The following PWWP3A variants were observed in gnomAD, a reference collection of about 807,000 sequenced individuals.
PWWP3A encodes PWWP domain-containing DNA repair factor 3A.
In PWWP3A, 53 loss-of-function variants were observed where a neutral mutation model predicts 79.0. The observed-to-expected ratio is 0.67, with a 90% CI of 0.54 to 0.84. PWWP3A has a LOEUF of 0.84. Among genes scored for constraint, PWWP3A ranks in the 40% least tolerant of loss-of-function variants. The pLI, the probability that PWWP3A is intolerant of heterozygous loss-of-function variation, is 0.00. For missense variants in PWWP3A, 973 were observed against 948.0 expected, an observed-to-expected ratio of 1.03 and a Z score of -0.35; for synonymous variants, 443 against 394.4, an observed-to-expected ratio of 1.12 and a Z score of -1.46.
rs1897435421 is a variant in PWWP3A, at chr19:1,368,439, C to A, written c.1423-826C>A. ...AGCCCACTTGATTCAGTGGTAGTCA[C>A]CGTGGCTTCTGAGGGATGATATTGG... On this transcript the variant is annotated intron_variant, in intron 9 of 13. Coordinates refer to ENST00000591337, the MANE Select transcript of PWWP3A (RefSeq NM_001369789.1). The surrounding 1 kb of genome is among the most constrained non-coding windows in gnomAD (Gnocchi z 4.7). Among the ~76,000 whole-genome samples, 1 of 152,130 alleles carries A rather than the reference C, an allele frequency of 6.6e-6. No individual in the cohort carries two copies. Among genetic ancestry groups the A allele is most frequent in the South Asian group, 2.1e-4 (1 of 4,830 alleles).
At position 1,368,936 on chromosome 19, in the gene PWWP3A, TCCCCGGTGCCC is replaced by T. The variant is rs2082189313; in HGVS notation, c.1423-328_1423-318del. On this transcript the variant is annotated intron_variant, in intron 9 of 13. Coordinates refer to ENST00000591337, the MANE Select transcript of PWWP3A (RefSeq NM_001369789.1). This position sits in a 1 kb window ranked among gnomAD's most constrained non-coding sequence, Gnocchi z 4.7. ...GTTCAGACCAGCCCAAGCCATCGGG[TCCCCGGTGCCC>T]ACCTGCGTTCAGATCAGCCCAAGCC... Among the ~76,000 whole-genome samples the T allele has an allele frequency of 1.4e-5, 2 of 139,496 alleles. No individual in the cohort carries two copies. The highest frequency in any genetic ancestry group is 5.4e-5 in the African/African-American group (2 of 36,790). The allele number at this position is 139,496 out of a possible 152,430, so 91.5% of individuals were successfully genotyped here.
At position 1,356,422 on chromosome 19, in the gene PWWP3A, A is replaced by C. The variant is rs756586081; in HGVS notation, c.30A>C (p.Arg10=). ...CGGATGCCAAGTATGTCCTCTGCCG[A>C]TGGGAAAAGCGATTATGGCCTGCGA... MADAKYVLC[R]WEKRLWPAKV... is the part of the protein sequence containing the mutation. The change falls in exon 2 of 14, where the codon CGA becomes CGC. Residue 10 remains arginine, a synonymous_variant. Transcript: ENST00000591337. 8.7e-6 allele frequency: 14 copies of C among 1,614,154 alleles called. No individual in the cohort carries two copies. In the East Asian group the frequency reaches 3.1e-4, roughly 36 times the overall value.
chr19:1,355,769 C>CT (rs1251765549), intron 1 of PWWP3A, among the ~76,000 whole-genome samples: 20 of 152,034 alleles, frequency 1.3e-4, no homozygotes, highest in Middle Eastern at 3.4e-3. Flanking sequence ...GGACGCCCCC[C>CT]TCCGTTGTTG....
chr19:1,375,930 C>A (rs1027446907), intron 13 of PWWP3A, among the ~76,000 whole-genome samples: 7 of 149,820 alleles, frequency 4.7e-5, no homozygotes, highest in African/African-American at 1.7e-4. Flanking sequence ...CTGACTCAGC[C>A]TCCCGAGTGG....
At chr19:1,359,992 G>A (rs2081973269) in intron 4 of PWWP3A, 144 bp from the exon 5 acceptor site, 1 of 763,970 alleles carries the variant, frequency 1.3e-6, no homozygotes, top group African/African-American at 1.8e-5. Context: ...GAAAATGTAG[G>A]TGAGAAATGT....
chr19:1,356,419 C>T lies in PWWP3A; in HGVS notation c.27C>T (p.Cys9=). Residue 9 remains cysteine, a synonymous_variant, in exon 2 of 14, where the codon TGC becomes TGT. Coordinates refer to ENST00000591337, the MANE Select transcript of PWWP3A (RefSeq NM_001369789.1). ...TGGCGGATGCCAAGTATGTCCTCTG[C>T]CGATGGGAAAAGCGATTATGGCCTG... MADAKYVL[C]RWEKRLWPAK... 6.2e-7 allele frequency: 1 copy of T among 1,614,074 alleles called. No individual in the cohort carries two copies. Among genetic ancestry groups the T allele is most frequent in the Non-Finnish European group, 8.5e-7 (1 of 1,179,964 alleles).
Position 1,373,075 on chromosome 19 carries a change from A to G in PWWP3A, c.1990A>G (p.Ile664Val), listed in dbSNP as rs1248291022. The G allele has an allele frequency of 1.1e-5, 17 of 1,614,142 alleles. No homozygotes were observed. Among genetic ancestry groups the G allele is most frequent in the Non-Finnish European group, 1.4e-5 (16 of 1,180,022 alleles). ...TGAGCCCCGTGCCCTCTCACAGGCCATCATCTGTGCGATCTCTGCGGTGGA... is the reference window on the plus strand; with the variant it reads ...TGAGCCCCGTGCCCTCTCACAGGCCGTCATCTGTGCGATCTCTGCGGTGGA... ...FILDVLLPEA[I>V]ICAISAVDEV... Residue 664 changes from isoleucine (I) to valine (V), a missense_variant, in exon 13 of 14, where the codon ATC (isoleucine) becomes GTC (valine). By Grantham distance (29) the Ile-to-Val change is conservative. Transcript: ENST00000591337.
chr19:1,370,762 G>A lies in PWWP3A; in HGVS notation c.1670G>A (p.Arg557Gln), dbSNP rs1404228352. 10 of 1,509,802 alleles carry A rather than the reference G, an allele frequency of 6.6e-6. No homozygotes were observed. Among genetic ancestry groups the A allele is most frequent in the East Asian group, 2.4e-5 (1 of 40,830 alleles). The allele number at this position is 1,509,802 out of a possible 1,614,324, so 93.5% of individuals were successfully genotyped here. Reference protein sequence around the residue: ...GCPLGQRQPCRKMLPDRSRAA... With the variant: ...GCPLGQRQPCQKMLPDRSRAA... ...CCCCTGGGGCAGAGGCAGCCCTGCC[G>A]GAAAATGCTCCCCGACCGCTCGCGG... The change falls in exon 12 of 14, where the codon CGG becomes CAG. Residue 557 changes from arginine to glutamine, a missense_variant. Arg to Gln is a conservative substitution (Grantham distance 43). Coordinates refer to ENST00000591337, the MANE Select transcript of PWWP3A (RefSeq NM_001369789.1).
intron 5 of PWWP3A, among the ~76,000 whole-genome samples, chr19:1,361,484 T>C (rs2082014373): frequency 6.6e-6 from 1 of 152,346 alleles, no homozygotes; most frequent in East Asian, 1.9e-4. Flanking sequence ...TGCAGATATA[T>C]TTTTGTGTGG....
chr19:1,376,370 G>C, intron 13 of PWWP3A, 149 bp from the exon 14 acceptor site: 1 of 355,064 alleles, frequency 2.8e-6, no homozygotes, highest in South Asian at 3.0e-5. Context: ...TAGCCAGGAT[G>C]GTCCTGATCT....
chr19:1,370,719 G>A lies in PWWP3A; in HGVS notation c.1627G>A (p.Glu543Lys), dbSNP rs963828916. The A allele has an allele frequency of 5.5e-6, 8 of 1,465,026 alleles. No individual in the cohort carries two copies. Among genetic ancestry groups the A allele is most frequent in the African/African-American group, 4.3e-5 (3 of 70,186 alleles). The allele number at this position is 1,465,026 out of a possible 1,614,324, so 90.8% of individuals were successfully genotyped here. A position where few individuals can be genotyped will look rare whatever the true frequency, so the allele number is the denominator to read the frequency against. The change falls in exon 12 of 14, where the codon GAG (glutamate) becomes AAG (lysine). Residue 543 changes from glutamate to lysine, a missense_variant. Glu to Lys is a moderately conservative substitution (Grantham distance 56). Coordinates refer to ENST00000591337, the MANE Select transcript of PWWP3A (RefSeq NM_001369789.1). ...TCAACTGAGCAAGGGGAGCCCCGAG[G>A]AGCCCGTGGTGGGGTGCCCCCTGGG... Reference protein sequence around the residue: ...LPQLSKGSPEEPVVGCPLGQR... With the variant: ...LPQLSKGSPEKPVVGCPLGQR...
chr19:1,359,546 A>G (rs780715514), intron 4 of PWWP3A: 8 of 151,882 alleles, frequency 5.3e-5, no homozygotes, highest in Non-Finnish European at 8.8e-5. Flanking sequence ...CGCCGTATCT[A>G]TATGTCGGAA....
chr19:1,364,432 C>T (rs1321642656), intron 6 of PWWP3A, 77 bp from the exon 7 acceptor site: 2 of 1,041,516 alleles, frequency 1.9e-6, no homozygotes, highest in African/African-American at 1.6e-5. Flanking sequence ...TTTTCTCAGG[C>T]TGTTACACCT....
intron 7 of PWWP3A, among the ~76,000 whole-genome samples, chr19:1,364,822 G>A (rs1458828010): frequency 6.6e-6 from 1 of 152,078 alleles, no homozygotes; most frequent in Admixed American, 6.6e-5. Context: ...AGACCTACTC[G>A]AAAAAAATAT....
rs1008304879 is a variant in PWWP3A at position 1,362,282 on chromosome 19, A to C, written c.1144A>C (p.Asn382His). The C allele has an allele frequency of 1.2e-6, 2 of 1,613,992 alleles. No individual in the cohort carries two copies. The highest frequency in any genetic ancestry group is 1.7e-5 in the Admixed American group (1 of 59,974). Residue 382 changes from asparagine to histidine, a missense_variant, in exon 6 of 14, where the codon AAT (asparagine) becomes CAT (histidine). Asn to His is a moderately conservative substitution (Grantham distance 68). Coordinates refer to ENST00000591337, the MANE Select transcript of PWWP3A (RefSeq NM_001369789.1). ...CQSSEESMGSNSMRSILEEDE... is the reference protein window; with the variant it reads ...CQSSEESMGSHSMRSILEEDE... ...GTCTTCCGAAGAGTCCATGGGGTCT[A>C]ATTCCATGCGTTCTATCCTGGAGGA...
chr19:1,373,137 CA>C lies in PWWP3A; in HGVS notation c.2054del (p.Lys685ArgfsTer5). 6.2e-7 allele frequency: 1 copy of C among 1,614,202 alleles called. No homozygotes were observed. Among genetic ancestry groups the C allele is most frequent in the Non-Finnish European group, 8.5e-7 (1 of 1,180,032 alleles). On this transcript the variant is annotated frameshift_variant, in exon 13 of 14. Transcript: ENST00000591337. LOFTEE classifies it high-confidence loss of function. ...DYKTAEEKYI[K>X]GPSLSYREKE... ...ACAAGACGGCTGAGGAGAAGTACAT[CA>C]AGGGGCCTTCGCTGAGCTACCGGTA... is the stretch of plus-strand genomic sequence containing the variant.
chr19:1,367,059 C>G (rs1162617461), intron 8 of PWWP3A, 101 bp from the exon 9 acceptor site: 1 of 846,498 alleles, frequency 1.2e-6, no homozygotes, highest in Non-Finnish European at 1.9e-6. Flanking sequence ...GCTGGTGGGG[C>G]CTCCAGCGGC....
At chr19:1,372,339 C>G (rs2082279898) in intron 12 of PWWP3A, 1 of 152,440 alleles carries the variant, frequency 6.6e-6, no homozygotes, top group East Asian at 1.9e-4. Context: ...GTGGGAGAGA[C>G]TCTGCTCTGA....
chr19:1,373,242 TC>T, intron 13 of PWWP3A, 82 bp downstream of exon 13: 1 of 1,272,602 alleles, frequency 7.9e-7, no homozygotes, highest in Non-Finnish European at 1.1e-6. Context: ...GCAGTTTGAC[TC>T]CAGGCTGCCG....
Sources: gnomAD v4.1 joint callset for allele counts (sites outside exome capture counted in the v4.1 genomes callset) on GRCh38, gnomAD v4.1.1 for gene constraint, Gnocchi (gnomAD v3.1) non-coding constraint, MANE v1.5 for transcripts, NCBI Gene and HGNC (gene_info 2026-07-23, HGNC 2026-07-21) for gene names.